MTMR3: variants seen among roughly 807,000 people sequenced by gnomAD.
MTMR3 encodes myotubularin related protein 3.
In MTMR3, 32 loss-of-function variants were observed where a neutral mutation model predicts 132.4. The ratio of observed to expected loss-of-function variants is 0.24; its 90% confidence interval spans 0.18 to 0.32. The LOEUF is 0.32. MTMR3 is among the 10% of genes least tolerant of loss of function. The pLI is 1.00. For synonymous variants in MTMR3, 556 were observed against 550.3 expected, an observed-to-expected ratio of 1.01 and a Z score of -0.14; for missense variants, 1,216 against 1,489.6, an observed-to-expected ratio of 0.82 and a Z score of 3.02.
At chr22:29,908,915 C>T (rs990422314) in intron 1 of MTMR3, among the ~76,000 whole-genome samples, 6 of 151,924 alleles carry the variant, frequency 3.9e-5, no homozygotes, top group African/African-American at 1.5e-4. Flanking sequence ...CCAGAATGTG[C>T]TTCCCAAAAG....
chr22:30,005,175 T>C (rs1447604883), intron 9 of MTMR3: 1 of 152,238 alleles, frequency 6.6e-6, no homozygotes, highest in Admixed American at 6.5e-5. Flanking sequence ...TTCTGTGTTT[T>C]AGTAGGGAGG....
chr22:29,964,688 CCACTAGT>C (rs2066379107), intron 2 of MTMR3, among the ~76,000 whole-genome samples: 1 of 152,130 alleles, frequency 6.6e-6, no homozygotes, highest in South Asian at 2.1e-4. Flanking sequence ...CTAAATCAAG[CCACTAGT>C]CTCTTACTGT....
At position 30,020,178 on chromosome 22, in the gene MTMR3, C is replaced by T; in HGVS notation, c.2519C>T (p.Pro840Leu). The T allele has an allele frequency of 6.2e-7, 1 of 1,614,182 alleles. No individual in the cohort carries two copies. The highest frequency in any genetic ancestry group is 8.5e-7 in the Non-Finnish European group (1 of 1,180,040). Residue 840 changes from proline to leucine, a missense_variant, in exon 17 of 20, where the codon CCA (proline) becomes CTA (leucine). This residue lies in a region of MTMR3 where 852 missense variants were observed against 852.0 expected (regional missense o/e 1.00). Coordinates refer to ENST00000401950, the MANE Select transcript of MTMR3 (RefSeq NM_021090.4). ...CAAGTCCCTTTTGAGACCAGAGGAC[C>T]AAACGTGGACAGTTCTACAGACATG... ...PSQVPFETRG[P>L]NVDSSTDMLV... is the part of the protein sequence containing the mutation.
chr22:29,941,839 A>G (rs956717750), intron 1 of MTMR3, among the ~76,000 whole-genome samples: 1 of 152,208 alleles, frequency 6.6e-6, no homozygotes, highest in Non-Finnish European at 1.5e-5. Flanking sequence ...ATAATTAACC[A>G]GACATGGTGG....
chr22:29,934,023 T>C (rs28696371), intron 1 of MTMR3, among the ~76,000 whole-genome samples: 1 of 152,190 alleles, frequency 6.6e-6, no homozygotes, highest in Non-Finnish European at 1.5e-5. Flanking sequence ...GTTTATATTA[T>C]GTATAATATC....
At chr22:29,957,385 T>C (rs899465084) in intron 2 of MTMR3, among the ~76,000 whole-genome samples, 1 of 151,414 alleles carries the variant, frequency 6.6e-6, no homozygotes, top group African/African-American at 2.4e-5. Context: ...ATCATTTGTC[T>C]AAAATAAATA....
intron 1 of MTMR3, among the ~76,000 whole-genome samples, chr22:29,910,714 C>CTT (rs78265367): frequency 7.2e-6 from 1 of 139,338 alleles, no homozygotes; most frequent in African/African-American, 2.6e-5. Context: ...GCCTCTTTTC[C>CTT]TTTTTTTTTT....
intron 16 of MTMR3, chr22:30,019,068 G>C (rs554493211): frequency 1.9e-5 from 3 of 158,206 alleles, no homozygotes; most frequent in African/African-American, 4.8e-5. Flanking sequence ...CTAGCCGGGC[G>C]TGGTGGCACA....
chr22:29,884,132 C>T (rs1384881556), intron 1 of MTMR3, among the ~76,000 whole-genome samples: 1 of 152,164 alleles, frequency 6.6e-6, no homozygotes. Flanking sequence ...ATTTGATAAT[C>T]TCACTTGTGA....
rs751909970 is a variant in MTMR3 at position 30,022,077 on chromosome 22, C to T, written c.3274C>T (p.Arg1092Cys). ...CAATCTGGATCAGAACTGTTTGTCT[C>T]GCTGCAGCACAGAGATTTTCTCTGA... ...ESNLDQNCLSRCSTEIFSEAS... is the reference protein window; with the variant it reads ...ESNLDQNCLSCCSTEIFSEAS... The change falls in exon 18 of 20, where the codon CGC becomes TGC. Residue 1092 changes from arginine (R) to cysteine (C), a missense_variant. Coordinates refer to ENST00000401950, the MANE Select transcript of MTMR3 (RefSeq NM_021090.4). 26 of 1,614,072 alleles carry T rather than the reference C, an allele frequency of 1.6e-5. No homozygotes were observed. The highest frequency in any genetic ancestry group is 5.3e-5 in the African/African-American group (4 of 74,922).
chr22:29,898,553 C>T (rs760837433), intron 1 of MTMR3, among the ~76,000 whole-genome samples: 5 of 152,100 alleles, frequency 3.3e-5, no homozygotes, highest in Non-Finnish European at 7.3e-5. Context: ...CAGTGTTGGG[C>T]CACCATTCCC....
At chr22:29,907,068 C>G (rs1238320316) in intron 1 of MTMR3, among the ~76,000 whole-genome samples, 1 of 151,404 alleles carries the variant, frequency 6.6e-6, no homozygotes, top group East Asian at 2.0e-4. Context: ...CAGAGTGAGA[C>G]TCGGTCTCAA....
chr22:29,967,236 T>TGC (rs140226487), intron 2 of MTMR3, among the ~76,000 whole-genome samples: 51,438 of 139,548 alleles, frequency 0.37, 10,129 homozygotes, highest in East Asian at 0.72. Flanking sequence ...TGTGTGTGCA[T>TGC]GCGCGCGCGC....
chr22:29,898,043 T>C (rs2064936826), intron 1 of MTMR3, among the ~76,000 whole-genome samples: 1 of 152,100 alleles, frequency 6.6e-6, no homozygotes, highest in Non-Finnish European at 1.5e-5. Context: ...AGGCACAATC[T>C]TGGCTCACTG....
chr22:29,969,730 C>T (rs1350658753), intron 2 of MTMR3, among the ~76,000 whole-genome samples: 1 of 152,124 alleles, frequency 6.6e-6, no homozygotes, highest in African/African-American at 2.4e-5. Context: ...TGGGGTTTCA[C>T]TATGTTGGCC....
At chr22:29,984,554 A>C (rs1601376802) in intron 5 of MTMR3, 1 of 152,266 alleles carries the variant, frequency 6.6e-6, no homozygotes, top group Admixed American at 6.5e-5. Flanking sequence ...TGTAGCACTG[A>C]ATGTGTTTGA....
chr22:29,997,318 C>T (rs1354227400), intron 7 of MTMR3: 1 of 152,184 alleles, frequency 6.6e-6, no homozygotes, highest in Non-Finnish European at 1.5e-5. Flanking sequence ...TTGCTGTTTC[C>T]TATTCTGTAG....
In MTMR3 at chr22:29,998,568, G is replaced by T. The variant is rs573304499; in HGVS notation, c.461-193G>T. ...TGAGGCACAAGAATCACTTGAACCTGGGAGGCGGAAGTTTCAGTGAGCTGA... is the reference window on the plus strand; with the variant it reads ...TGAGGCACAAGAATCACTTGAACCTTGGAGGCGGAAGTTTCAGTGAGCTGA... On this transcript the variant is annotated intron_variant, in intron 7 of 19. Transcript: ENST00000401950. 1.5e-5 allele frequency: 4 copies of T among 269,238 alleles called. No individual in the cohort carries two copies. The East Asian group carries it at 2.9e-4, about 20-fold the overall frequency. The allele number at this position is 269,238 out of a possible 1,614,324, so 16.7% of individuals were successfully genotyped here. A position where few individuals can be genotyped will look rare whatever the true frequency, so the allele number is the denominator to read the frequency against.
intron 2 of MTMR3, among the ~76,000 whole-genome samples, chr22:29,968,701 A>C (rs766177910): frequency 6.6e-6 from 1 of 152,238 alleles, no homozygotes; most frequent in Non-Finnish European, 1.5e-5. Context: ...AATAAAATCA[A>C]GTTCCATGAA....
Sources: gnomAD v4.1 joint callset for allele counts (sites outside exome capture counted in the v4.1 genomes callset) on GRCh38, gnomAD v4.1.1 for gene constraint, gnomAD v4.1.1 regional missense constraint, MANE v1.5 for transcripts, NCBI Gene and HGNC (gene_info 2026-07-23, HGNC 2026-07-21) for gene names.